RBPJ: variants seen among roughly 807,000 people sequenced by gnomAD.
RBPJ encodes the protein recombination signal binding protein for immunoglobulin kappa J region, also known as recombining binding protein suppressor of hairless.
A neutral mutation model predicts 67.8 loss-of-function variants in RBPJ; 9 were observed. The ratio of observed to expected loss-of-function variants is 0.13; its 90% CI spans 0.08 to 0.23. RBPJ has a LOEUF of 0.23. RBPJ is among the 10% of genes least tolerant of loss of function. The pLI is 1.00. For missense variants in RBPJ, 305 were observed against 595.6 expected, an observed-to-expected ratio of 0.51 and a Z score of 5.08; for synonymous variants, 198 against 203.3, an observed-to-expected ratio of 0.97 and a Z score of 0.22.
At chr4:26,194,482 G>A (rs1717681442) in intron 1 of RBPJ, among the ~76,000 whole-genome samples, 1 of 152,194 alleles carries the variant, frequency 6.6e-6, no homozygotes. Context: ...TGTGCCCATT[G>A]TCAGATGAGG....
At position 26,415,488 on chromosome 4, in the gene RBPJ, C is replaced by T; in HGVS notation, c.169C>T (p.Pro57Ser). 6.3e-7 allele frequency: 1 copy of T among 1,584,288 alleles called. No individual in the cohort carries two copies. The highest frequency in any genetic ancestry group is 8.5e-7 in the Non-Finnish European group (1 of 1,170,666). Residue 57 changes from proline (P) to serine (S), a missense_variant, in exon 4 of 11, where the codon CCT (proline) becomes TCT (serine). Transcript: ENST00000355476. ...ATTATTCTTCAGGTTTTTTTGCCCACCTCCTTGTGTATATCTTATGGGCAG... is the reference window on the plus strand; with the variant it reads ...ATTATTCTTCAGGTTTTTTTGCCCATCTCCTTGTGTATATCTTATGGGCAG... ...YGNEKRFFCP[P>S]PCVYLMGSGW...
the RBPJ span, among the ~76,000 whole-genome samples, chr4:26,119,166 T>C: frequency 2.6e-5 from 4 of 152,236 alleles, no homozygotes; most frequent in East Asian, 7.7e-4. Context: ...AGCACAAGGC[T>C]GCATATAGTG....
At chr4:26,171,769 C>T (rs949932930) in intron 1 of RBPJ, among the ~76,000 whole-genome samples, 9 of 152,086 alleles carry the variant, frequency 5.9e-5, no homozygotes, top group Non-Finnish European at 7.4e-5. Flanking sequence ...TACAGCCACC[C>T]GCTGTGTGAC....
chr4:26,366,995 G>T (rs2109528679), intron 1 of RBPJ, among the ~76,000 whole-genome samples: 1 of 151,668 alleles, frequency 6.6e-6, no homozygotes, highest in South Asian at 2.1e-4. Flanking sequence ...ATGGTGGCAG[G>T]CGCCTGTAAT....
At chr4:26,156,860 A>G in the RBPJ span, among the ~76,000 whole-genome samples, 3 of 152,092 alleles carry the variant, frequency 2.0e-5, no homozygotes, top group South Asian at 6.2e-4. Context: ...GCTTGAGCCC[A>G]GGAATTGGAG....
At chr4:26,179,790 C>T (rs995960843) in intron 1 of RBPJ, among the ~76,000 whole-genome samples, 8 of 152,164 alleles carry the variant, frequency 5.3e-5, no homozygotes, top group African/African-American at 1.9e-4. Flanking sequence ...CAAGAACTAG[C>T]ATTCAACCCA....
intron 3 of RBPJ, among the ~76,000 whole-genome samples, chr4:26,414,906 AAC>A (rs1734410552): frequency 6.6e-6 from 1 of 152,156 alleles, no homozygotes; most frequent in Admixed American, 6.5e-5. Flanking sequence ...AGATATATAA[AAC>A]ACAGCACTGC....
At chr4:26,362,488 G>C in intron 1 of RBPJ, 2 of 1,500,258 alleles carry the variant, frequency 1.3e-6, no homozygotes, top group Non-Finnish European at 1.8e-6. Context: ...AAGCATTATA[G>C]TTCTTCGGAA....
chr4:26,432,146 G>A lies in RBPJ; in HGVS notation c.*1139G>A, dbSNP rs1170527974. Reference sequence around the variant, plus strand: ...CTTGTTGGCAAGTGACAAAAAATATGGGAAGTATTTGCTACCAGTTGGTAG... The same window carrying A: ...CTTGTTGGCAAGTGACAAAAAATATAGGAAGTATTTGCTACCAGTTGGTAG... On this transcript the variant is annotated 3_prime_UTR_variant, in exon 11 of 11. Coordinates refer to ENST00000355476, the MANE Select transcript of RBPJ (RefSeq NM_015874.6). 6.6e-6 allele frequency: 1 copy of A among 152,192 alleles called. No individual in the cohort carries two copies. The highest frequency in any genetic ancestry group is 1.5e-5 in the Non-Finnish European group (1 of 68,044). 9.4% of individuals were successfully genotyped at this position (152,192 alleles called of 1,614,324 possible).
chr4:26,175,942 T>C (rs1354318074), intron 1 of RBPJ, among the ~76,000 whole-genome samples: 1 of 152,118 alleles, frequency 6.6e-6, no homozygotes, highest in Non-Finnish European at 1.5e-5. Context: ...GGATCCACCC[T>C]AAGAGGGAAA....
At chr4:26,180,807 T>C (rs1197832806) in intron 1 of RBPJ, among the ~76,000 whole-genome samples, 1 of 152,150 alleles carries the variant, frequency 6.6e-6, no homozygotes, top group Non-Finnish European at 1.5e-5. Context: ...TTAAGGAGAA[T>C]AGATGTGTTC....
At chr4:26,255,004 C>T (rs1176094623) in intron 1 of RBPJ, among the ~76,000 whole-genome samples, 1 of 142,918 alleles carries the variant, frequency 7.0e-6, no homozygotes, top group African/African-American at 2.8e-5. Context: ...ACCTGGCCAA[C>T]ATGTTTAAAA....
intron 1 of RBPJ, among the ~76,000 whole-genome samples, chr4:26,276,700 CCTT>C (rs1721099019): frequency 6.6e-6 from 1 of 152,028 alleles, no homozygotes; most frequent in African/African-American, 2.4e-5. Context: ...GAAAAAAAAT[CCTT>C]CTCTTTTCTT....
chr4:26,145,051 A>G, the RBPJ span, among the ~76,000 whole-genome samples: 14 of 150,436 alleles, frequency 9.3e-5, no homozygotes, highest in Admixed American at 7.9e-4. Context: ...TTTTTGAGAC[A>G]AAATGAAAAT....
At chr4:26,189,403 A>C (rs1717396599) in intron 1 of RBPJ, among the ~76,000 whole-genome samples, 1 of 152,222 alleles carries the variant, frequency 6.6e-6, no homozygotes, top group African/African-American at 2.4e-5. Context: ...CACACCTGTA[A>C]TCCCAGCACT....
chr4:26,300,147 CCTTGGCCAAATCA>C (rs1722028532), intron 1 of RBPJ, among the ~76,000 whole-genome samples: 1 of 151,992 alleles, frequency 6.6e-6, no homozygotes, highest in Non-Finnish European at 1.5e-5. Flanking sequence ...ACCAGAGTGT[CCTTGGCCAAATCA>C]CTTGAATTTT....
At chr4:26,129,379 G>A in the RBPJ span, among the ~76,000 whole-genome samples, 1 of 152,088 alleles carries the variant, frequency 6.6e-6, no homozygotes, top group Non-Finnish European at 1.5e-5. Context: ...ACTACACATT[G>A]GTGTTGTACA....
Position 26,431,184 on chromosome 4 carries a change from T to TTAA in RBPJ, c.*177_*178insTAA, listed in dbSNP as rs1373287080. 7.4e-5 allele frequency: 3 copies of TTAA among 40,666 alleles called. No individual in the cohort carries two copies. Among genetic ancestry groups the TTAA allele is most frequent in the African/African-American group, 3.4e-4 (3 of 8,880 alleles). The allele number at this position is 40,666 out of a possible 1,614,324, so 2.5% of individuals were successfully genotyped here. ...CTGATTTGAAATGCAGAAGCCACAG[T>TTAA]AAAAAAAAAAAAAAAAAAAAAAAAA... On this transcript the variant is annotated 3_prime_UTR_variant, in exon 11 of 11. Coordinates refer to ENST00000355476, the MANE Select transcript of RBPJ (RefSeq NM_015874.6).
intron 1 of RBPJ, among the ~76,000 whole-genome samples, chr4:26,327,515 C>T (rs1290970964): frequency 6.9e-6 from 1 of 144,096 alleles, no homozygotes; most frequent in Non-Finnish European, 1.5e-5. Flanking sequence ...AAGCAGAATA[C>T]ACTAGAGAAT....
Sources: gnomAD v4.1 joint callset for allele counts (sites outside exome capture counted in the v4.1 genomes callset) on GRCh38, gnomAD v4.1.1 for gene constraint, MANE v1.5 for transcripts, NCBI Gene and HGNC (gene_info 2026-07-23, HGNC 2026-07-21) for gene names.